DTWD2: variants seen among roughly 807,000 people sequenced by gnomAD.
DTWD2 encodes the protein tRNA-uridine aminocarboxypropyltransferase 2.
In DTWD2, 39 loss-of-function variants were observed where a neutral mutation model predicts 31.8. The observed-to-expected ratio is 1.22, with a 90% CI of 0.95 to 1.60. The LOEUF (loss-of-function observed/expected upper bound fraction) is 1.60. Among genes scored for constraint, DTWD2 ranks in the 40% most tolerant of loss-of-function variants. The probability of loss-of-function intolerance (pLI) is 0.00; values close to 1 mark genes in which losing one functional copy is unlikely to be tolerated. For missense variants in DTWD2, 515 were observed against 381.5 expected, an observed-to-expected ratio of 1.35 and a Z score of -2.92; for synonymous variants, 180 against 142.8, an observed-to-expected ratio of 1.26 and a Z score of -1.86.
intron 1 of DTWD2, among the ~76,000 whole-genome samples, chr5:118,982,535 A>T (rs1755325192): frequency 6.6e-6 from 1 of 152,152 alleles, no homozygotes; most frequent in Admixed American, 6.6e-5. Context: ...TATTTTCTAT[A>T]CTAACAGGAA....
At chr5:118,896,845 G>A (rs980432504) in intron 4 of DTWD2, among the ~76,000 whole-genome samples, 1 of 152,168 alleles carries the variant, frequency 6.6e-6, no homozygotes, top group Non-Finnish European at 1.5e-5. Context: ...GGACCCAGCT[G>A]AGTACAACCT....
intron 4 of DTWD2, among the ~76,000 whole-genome samples, chr5:118,903,613 T>A (rs1580796967): frequency 6.6e-6 from 1 of 152,012 alleles, no homozygotes; most frequent in East Asian, 1.9e-4. Context: ...GATCTCTAAA[T>A]CTCTAGCTAA....
At chr5:118,873,236 C>T (rs1752546667) in intron 4 of DTWD2, among the ~76,000 whole-genome samples, 1 of 152,208 alleles carries the variant, frequency 6.6e-6, no homozygotes, top group Non-Finnish European at 1.5e-5. Context: ...CTAGGCTCAA[C>T]TTGCTCCCAT....
intron 2 of DTWD2, among the ~76,000 whole-genome samples, chr5:118,941,896 T>C (rs934957010): frequency 7.9e-5 from 12 of 152,360 alleles, no homozygotes; most frequent in East Asian, 5.8e-4. Flanking sequence ...TGATATCTCA[T>C]TGTGGTTTTG....
chr5:118,890,068 G>A (rs1248314234), intron 4 of DTWD2, among the ~76,000 whole-genome samples: 1 of 152,108 alleles, frequency 6.6e-6, no homozygotes, highest in Non-Finnish European at 1.5e-5. Context: ...ACAATCAGAA[G>A]CCATCTGAAG....
chr5:118,900,326 C>G (rs1425002157), intron 4 of DTWD2, among the ~76,000 whole-genome samples: 1 of 151,946 alleles, frequency 6.6e-6, no homozygotes, highest in Non-Finnish European at 1.5e-5. Context: ...AAAACTTTTT[C>G]CCTTAATTAC....
At chr5:118,941,002 G>A (rs992353030) in intron 2 of DTWD2, among the ~76,000 whole-genome samples, 5 of 151,822 alleles carry the variant, frequency 3.3e-5, no homozygotes. Context: ...TTTACCCTTA[G>A]GTAATTTTAC....
Position 118,988,300 on chromosome 5 carries a change from CG to C in DTWD2, c.211del (p.Arg71AlafsTer27). 1 of 1,522,746 alleles carries C rather than the reference CG, an allele frequency of 6.6e-7. No individual in the cohort carries two copies. Among genetic ancestry groups the C allele is most frequent in the Non-Finnish European group, 8.8e-7 (1 of 1,139,652 alleles). The allele number at this position is 1,522,746 out of a possible 1,614,324, so 94.3% of individuals were successfully genotyped here. On this transcript the variant is annotated frameshift_variant, in exon 1 of 6. Coordinates refer to ENST00000510708, the MANE Select transcript of DTWD2 (RefSeq NM_173666.4). LOFTEE classifies it high-confidence loss of function. Reference sequence around the variant, plus strand: ...CCCCCAGCCCCGCGGTCACCTGCAGCGGGTGCACTCAGGCCTCCGCTCGGCC... The same window carrying C: ...CCCCCAGCCCCGCGGTCACCTGCAGCGGTGCACTCAGGCCTCCGCTCGGCC... ...EPAERRPECT[R>X]CSRPQKVCLC...
chr5:118,929,607 T>C (rs1480062853), intron 3 of DTWD2, among the ~76,000 whole-genome samples: 1 of 152,218 alleles, frequency 6.6e-6, no homozygotes, highest in Non-Finnish European at 1.5e-5. Context: ...TCAATTAAAT[T>C]CCTTTAAATT....
At chr5:118,913,446 C>CT (rs1383414826) in intron 4 of DTWD2, among the ~76,000 whole-genome samples, 1 of 147,062 alleles carries the variant, frequency 6.8e-6, no homozygotes, top group African/African-American at 2.5e-5. Flanking sequence ...CACACACACA[C>CT]ACACGTGTGT....
chr5:118,949,500 C>T (rs1486901507), intron 1 of DTWD2, among the ~76,000 whole-genome samples: 2 of 152,158 alleles, frequency 1.3e-5, no homozygotes, highest in Admixed American at 6.5e-5. Flanking sequence ...CCTGAACCAA[C>T]CTGTAAGACT....
At chr5:118,936,844 A>G (rs1754056880) in intron 3 of DTWD2, among the ~76,000 whole-genome samples, 1 of 152,116 alleles carries the variant, frequency 6.6e-6, no homozygotes, top group African/African-American at 2.4e-5. Flanking sequence ...ATCGACCAAA[A>G]CAGACTAAGA....
chr5:118,873,691 T>G (rs1752557711), intron 4 of DTWD2, among the ~76,000 whole-genome samples: 2 of 152,150 alleles, frequency 1.3e-5, no homozygotes, highest in Admixed American at 6.5e-5. Context: ...TGGCCCGCTT[T>G]CACCAGCAAC....
intron 1 of DTWD2, among the ~76,000 whole-genome samples, chr5:118,950,317 T>C (rs112191956): frequency 0.015 from 2,328 of 151,440 alleles, 60 homozygotes; most frequent in African/African-American, 0.054. Flanking sequence ...ACAACAGTTA[T>C]GGAGGCAAGG....
chr5:118,972,298 T>C (rs924096362), intron 1 of DTWD2, among the ~76,000 whole-genome samples: 22 of 152,184 alleles, frequency 1.4e-4, no homozygotes, highest in African/African-American at 5.1e-4. Context: ...ATATCACCAC[T>C]GACCACACAG....
At chr5:118,987,093 T>A (rs1056522801) in intron 1 of DTWD2, among the ~76,000 whole-genome samples, 2 of 152,196 alleles carry the variant, frequency 1.3e-5, no homozygotes, top group African/African-American at 4.8e-5. Context: ...ACTAGCACAG[T>A]AATTTAGCCT....
intron 4 of DTWD2, among the ~76,000 whole-genome samples, chr5:118,875,613 G>C (rs551081264): frequency 1.2e-4 from 9 of 72,476 alleles, no homozygotes; most frequent in Non-Finnish European, 2.6e-4. Flanking sequence ...GATCATAAAA[G>C]ACAAAAAGGT....
At chr5:118,855,254 G>A (rs1202311503) in intron 4 of DTWD2, among the ~76,000 whole-genome samples, 3 of 141,564 alleles carry the variant, frequency 2.1e-5, no homozygotes, top group African/African-American at 5.2e-5. Flanking sequence ...ACTTTTTACC[G>A]CAACTTCTTG....
intron 4 of DTWD2, among the ~76,000 whole-genome samples, chr5:118,888,670 G>C (rs1752918205): frequency 6.6e-6 from 1 of 152,158 alleles, no homozygotes; most frequent in Non-Finnish European, 1.5e-5. Context: ...AACTTTTCAA[G>C]AAACTGCCAA....
Sources: allele counts gnomAD v4.1 joint callset (sites outside exome capture counted in the v4.1 genomes callset), GRCh38; gene constraint gnomAD v4.1.1; transcripts MANE v1.5; gene names NCBI Gene and HGNC (gene_info 2026-07-23, HGNC 2026-07-21).